The following FMN1 variants were observed in gnomAD, a reference collection of about 807,000 sequenced individuals.
FMN1 encodes the protein formin-1.
A neutral mutation model predicts 132.4 loss-of-function variants in FMN1; 110 were observed. The observed-to-expected ratio is 0.83, with a 90% CI of 0.71 to 0.97. The LOEUF is 0.97. Among genes scored for constraint, FMN1 ranks in the 50% least tolerant of loss-of-function variants. The probability of loss-of-function intolerance (pLI) is 0.00; values close to 1 mark genes in which losing one functional copy is unlikely to be tolerated. For synonymous variants in FMN1, 722 were observed against 651.7 expected (o/e 1.11, Z -1.64); for missense variants, 1,792 against 1,705.3 (o/e 1.05, Z -0.90).
intron 4 of FMN1, among the ~76,000 whole-genome samples, chr15:33,122,784 A>T (rs1295633809): frequency 6.6e-6 from 1 of 152,196 alleles, no homozygotes; most frequent in East Asian, 1.9e-4. Flanking sequence ...GATTGCTGCC[A>T]TTATTCTGTT....
chr15:32,841,284 G>A (rs1188119040), intron 17 of FMN1, among the ~76,000 whole-genome samples: 2 of 152,156 alleles, frequency 1.3e-5, no homozygotes, highest in East Asian at 1.9e-4. Context: ...TATATGTAGT[G>A]TGTCCCTGGA....
Position 32,983,546 on chromosome 15 carries a change from T to A in FMN1, c.2224-14069A>T, listed in dbSNP as rs369708987. Among the ~76,000 whole-genome samples, 6 of 152,344 alleles carry A rather than the reference T, an allele frequency of 3.9e-5. No homozygotes were observed. The South Asian group carries it at 1.0e-3, about 26-fold the overall frequency. On this transcript the variant is annotated intron_variant, in intron 7 of 20. Coordinates refer to ENST00000616417, the MANE Select transcript of FMN1 (RefSeq NM_001277313.2). ...ATCGAAAAAACCTCTTAAAGATTGA[T>A]ATTATAAGTGAAACATATATGTTAG...
chr15:32,969,778 T>C (rs1315328909), intron 7 of FMN1, among the ~76,000 whole-genome samples: 2 of 152,196 alleles, frequency 1.3e-5, no homozygotes, highest in Non-Finnish European at 2.9e-5. Flanking sequence ...AATTTGCATA[T>C]CAAACACAAA....
rs114343903 is a variant in FMN1 at position 32,822,400 on chromosome 15, G to A, written c.3929-18068C>T. Among the ~76,000 whole-genome samples the A allele has an allele frequency of 4.9e-3, 740 of 152,172 alleles. 11 individuals carry two copies. The highest frequency in any genetic ancestry group is 0.016 in the African/African-American group (680 of 41,550). On this transcript the variant is annotated intron_variant, in intron 17 of 20. Transcript: ENST00000616417. Reference sequence around the variant, plus strand: ...GATCTACGATTAGTAATCTTTCTAGGCTCTGCGTTTCTCAAAAGAATTTAC... The same window carrying A: ...GATCTACGATTAGTAATCTTTCTAGACTCTGCGTTTCTCAAAAGAATTTAC...
At chr15:32,849,350 T>C (rs11071995) in intron 17 of FMN1, among the ~76,000 whole-genome samples, 116,667 of 151,826 alleles carry the variant, frequency 0.77, 45,106 homozygotes, top group Middle Eastern at 0.82. Flanking sequence ...TTTGCTTCAT[T>C]TTTATCTGAA....
chr15:33,129,907 C>G (rs1308875873), intron 4 of FMN1, among the ~76,000 whole-genome samples: 1 of 151,968 alleles, frequency 6.6e-6, no homozygotes, highest in Non-Finnish European at 1.5e-5. Flanking sequence ...ATTCCCCTAC[C>G]TCAGCCTCCC....
chr15:33,103,448 GCTGTTAGAATTATTACT>G (rs2039369255), intron 4 of FMN1, among the ~76,000 whole-genome samples: 3 of 152,052 alleles, frequency 2.0e-5, no homozygotes, highest in Admixed American at 2.0e-4. Flanking sequence ...ATAAACACTG[GCTGTTAGAATTATTACT>G]CTCTGCTCAG....
At chr15:32,982,979 C>G (rs1006227186) in intron 7 of FMN1, among the ~76,000 whole-genome samples, 1 of 152,144 alleles carries the variant, frequency 6.6e-6, no homozygotes, top group Admixed American at 6.5e-5. Context: ...TCTTCATATA[C>G]ATTTTAAAAT....
chr15:32,816,730 T>C (rs959031724), intron 17 of FMN1, among the ~76,000 whole-genome samples: 7 of 147,622 alleles, frequency 4.7e-5, no homozygotes, highest in East Asian at 2.5e-4. Flanking sequence ...AGTGGAACAA[T>C]AGAGAAATAA....
chr15:32,900,576 A>T (rs544959482), intron 13 of FMN1, among the ~76,000 whole-genome samples: 3 of 152,204 alleles, frequency 2.0e-5, no homozygotes, highest in African/African-American at 7.2e-5. Flanking sequence ...GATACAGAAG[A>T]AGTATGTTCT....
At position 32,772,924 on chromosome 15, in the gene FMN1, G is replaced by C. The variant is rs1393413035; in HGVS notation, c.*1386C>G. 3.3e-5 allele frequency: 5 copies of C among 152,428 alleles called. No individual in the cohort carries two copies. The highest frequency in any genetic ancestry group is 9.6e-5 in the African/African-American group (4 of 41,464). The allele number at this position is 152,428 out of a possible 1,614,324, so 9.4% of individuals were successfully genotyped here. ...AGGGGCAGGCCACATGTGGAGGCTG[G>C]ATCAGGAAGGAATTTAAGATTTCTG... is the stretch of plus-strand genomic sequence containing the variant. On this transcript the variant is annotated 3_prime_UTR_variant, in exon 21 of 21. Coordinates refer to ENST00000616417, the MANE Select transcript of FMN1 (RefSeq NM_001277313.2).
intron 6 of FMN1, among the ~76,000 whole-genome samples, chr15:33,039,547 C>T (rs544041154): frequency 6.6e-6 from 1 of 152,160 alleles, no homozygotes; most frequent in Non-Finnish European, 1.5e-5. Context: ...ATATTTTACC[C>T]AAGCACTGGA....
chr15:32,875,489 T>C (rs1213112499), intron 16 of FMN1, among the ~76,000 whole-genome samples: 1 of 152,234 alleles, frequency 6.6e-6, no homozygotes, highest in Non-Finnish European at 1.5e-5. Context: ...GTAAGTGGCA[T>C]GGCAGAGACT....
intron 3 of FMN1, among the ~76,000 whole-genome samples, chr15:33,178,272 T>C (rs1009377003): frequency 6.6e-6 from 1 of 152,222 alleles, no homozygotes; most frequent in Non-Finnish European, 1.5e-5. Flanking sequence ...TCCAAGGTTT[T>C]TCTTTCTGCT....
At chr15:33,024,525 T>C (rs2035578930) in intron 6 of FMN1, among the ~76,000 whole-genome samples, 1 of 152,118 alleles carries the variant, frequency 6.6e-6, no homozygotes. Context: ...GGATTACAGG[T>C]GTGAGCCACC....
intron 4 of FMN1, among the ~76,000 whole-genome samples, chr15:33,126,724 A>C (rs1015169220): frequency 1.3e-5 from 2 of 152,030 alleles, no homozygotes; most frequent in Admixed American, 6.6e-5. Context: ...TCTACGCTAC[A>C]GGCAGGCTGG....
At position 33,153,649 on chromosome 15, in the gene FMN1, C is replaced by T; in HGVS notation, c.1266G>A (p.Leu422=). The T allele has an allele frequency of 6.5e-7, 1 of 1,536,362 alleles. No homozygotes were observed. Among genetic ancestry groups the T allele is most frequent in the Non-Finnish European group, 8.7e-7 (1 of 1,146,958 alleles). Residue 422 remains leucine (L), a synonymous_variant, in exon 4 of 21, where the codon CTG becomes CTA. Transcript: ENST00000616417. ...CTAACTTCTCACTCTCTATCACCTT[C>T]AGGGGGACCTTGTTCACGGCCCCCT... is the stretch of plus-strand genomic sequence containing the variant. The part of the protein sequence containing the change: ...SAEGAVNKVP[L]KVIESEKLDE...
chr15:32,825,440 T>C (rs1043065493), intron 17 of FMN1, among the ~76,000 whole-genome samples: 1 of 152,228 alleles, frequency 6.6e-6, no homozygotes, highest in African/African-American at 2.4e-5. Flanking sequence ...TCTTTCTGCG[T>C]ACGATGTGTT....
intron 6 of FMN1, among the ~76,000 whole-genome samples, chr15:33,052,179 C>A (rs2037005151): frequency 1.3e-5 from 2 of 152,186 alleles, no homozygotes; most frequent in Non-Finnish European, 2.9e-5. Flanking sequence ...GTTCAAAGAA[C>A]ACATGAATAC....
Sources: gnomAD v4.1 joint callset for allele counts (sites outside exome capture counted in the v4.1 genomes callset) on GRCh38, gnomAD v4.1.1 for gene constraint, MANE v1.5 for transcripts, NCBI Gene and HGNC (gene_info 2026-07-23, HGNC 2026-07-21) for gene names.